Variants in TUSC3 observed in about 807,000 individuals in gnomAD.
TUSC3 encodes tumor suppressor candidate 3.
In TUSC3, 45 loss-of-function variants were observed where a neutral mutation model predicts 44.8. The observed-to-expected ratio is 1.00, with a 90% confidence interval of 0.79 to 1.29. The LOEUF is 1.29. Ranked by LOEUF, TUSC3 falls within the 50% of genes most tolerant of loss-of-function variation. The probability of loss-of-function intolerance (pLI) is 0.00; values close to 1 mark genes in which losing one functional copy is unlikely to be tolerated. For missense variants in TUSC3, 519 were observed against 437.9 expected (o/e 1.19, Z -1.65); for synonymous variants, 212 against 152.9 (o/e 1.39, Z -2.85).
At chr8:15,454,284 C>T (rs978005198) in intron 1 of TUSC3, among the ~76,000 whole-genome samples, 10 of 152,302 alleles carry the variant, frequency 6.6e-5, no homozygotes, top group African/African-American at 2.4e-4. Flanking sequence ...TGATCTAAAG[C>T]TTCTTAATAA....
intron 1 of TUSC3, among the ~76,000 whole-genome samples, chr8:15,582,280 A>G (rs1019518878): frequency 3.9e-5 from 6 of 152,096 alleles, no homozygotes; most frequent in Non-Finnish European, 8.8e-5. Flanking sequence ...TGGGTCGCTC[A>G]CGCTGGGAGC....
At chr8:15,774,787 G>A in the TUSC3 span, among the ~76,000 whole-genome samples, 1 of 152,096 alleles carries the variant, frequency 6.6e-6, no homozygotes, top group Non-Finnish European at 1.5e-5. Context: ...TCACTCTGAT[G>A]TGTGACTTCA....
chr8:15,459,299 A>G (rs1218258376), intron 1 of TUSC3, among the ~76,000 whole-genome samples: 4 of 152,178 alleles, frequency 2.6e-5, no homozygotes, highest in African/African-American at 9.7e-5. Context: ...AAGTGACAAT[A>G]GAAGTTGTTT....
intron 6 of TUSC3, among the ~76,000 whole-genome samples, chr8:15,677,011 A>C (rs1006865770): frequency 6.6e-6 from 1 of 152,086 alleles, no homozygotes; most frequent in Non-Finnish European, 1.5e-5. Flanking sequence ...GTAAATGTTT[A>C]TTTTTTTAAT....
At chr8:15,679,701 T>C (rs908354865) in intron 6 of TUSC3, among the ~76,000 whole-genome samples, 4 of 152,184 alleles carry the variant, frequency 2.6e-5, no homozygotes, top group African/African-American at 9.6e-5. Context: ...TTCTTAGGTT[T>C]TCATCTAGGG....
chr8:15,693,439 T>C (rs1465901263), intron 6 of TUSC3, among the ~76,000 whole-genome samples: 28 of 95,728 alleles, frequency 2.9e-4, no homozygotes, highest in African/African-American at 6.1e-4. Context: ...TGGTTGGAAG[T>C]TCTTTTTTTT....
chr8:15,532,440 T>C (rs1381363834), intron 2 of TUSC3, among the ~76,000 whole-genome samples: 1 of 152,122 alleles, frequency 6.6e-6, no homozygotes, highest in Non-Finnish European at 1.5e-5. Context: ...AAAGTTAAGA[T>C]AAGCCCTGGA....
intron 1 of TUSC3, among the ~76,000 whole-genome samples, chr8:15,444,720 A>T (rs552052778): frequency 1.3e-5 from 2 of 152,340 alleles, no homozygotes; most frequent in Non-Finnish European, 2.9e-5. Flanking sequence ...GTATCTCCCA[A>T]GTATCGGTTC....
intron 1 of TUSC3, among the ~76,000 whole-genome samples, chr8:15,599,207 A>G (rs1804182425): frequency 6.6e-6 from 1 of 151,770 alleles, no homozygotes; most frequent in Non-Finnish European, 1.5e-5. Flanking sequence ...TTTATGTGCT[A>G]GTTTGCTATT....
chr8:15,560,742 A>T (rs551093265), intron 1 of TUSC3, among the ~76,000 whole-genome samples: 2,060 of 106,392 alleles, frequency 0.019, 31 homozygotes, highest in African/African-American at 0.049. Context: ...TTCTCGCTTC[A>T]TTTCATTCAT....
intron 1 of TUSC3, among the ~76,000 whole-genome samples, chr8:15,431,341 G>T (rs1223711833): frequency 1.3e-5 from 2 of 151,510 alleles, no homozygotes; most frequent in Non-Finnish European, 2.9e-5. Context: ...CTATCTATTT[G>T]TGTCTTCAAT....
rs554519350 is a variant in TUSC3 at position 15,419,380 on chromosome 8, A to G, written n.91+2075A>G. Among the ~76,000 whole-genome samples, 214 of 152,352 alleles carry G rather than the reference A, an allele frequency of 1.4e-3. 1 individual carries two copies. The highest frequency in any genetic ancestry group is 4.9e-3 in the African/African-American group (205 of 41,584). On this transcript the variant is annotated intron_variant and non_coding_transcript_variant, in intron 1 of 5. Transcript: ENST00000503191. ...AATGTCTAGAAAGACATTTGAGTTC[A>G]GTATATCTTATTGCTGAAGTCAGTT...
intron 1 of TUSC3, among the ~76,000 whole-genome samples, chr8:15,459,334 A>G (rs1800308749): frequency 6.6e-6 from 1 of 152,090 alleles, no homozygotes; most frequent in Non-Finnish European, 1.5e-5. Context: ...CCTGTTCATA[A>G]CTGTCAGTAT....
the TUSC3 span, among the ~76,000 whole-genome samples, chr8:15,794,989 C>G: frequency 6.6e-6 from 1 of 152,132 alleles, no homozygotes; most frequent in South Asian, 2.1e-4. Context: ...ATCCTGGATT[C>G]TGATGAATTT....
intron 2 of TUSC3, among the ~76,000 whole-genome samples, chr8:15,516,718 T>C (rs17121570): frequency 0.034 from 5,169 of 152,236 alleles, 258 homozygotes; most frequent in African/African-American, 0.12. Flanking sequence ...ATTAATCCTA[T>C]GAAATATAAA....
intron 1 of TUSC3, among the ~76,000 whole-genome samples, chr8:15,443,724 G>C (rs947206266): frequency 6.6e-6 from 1 of 152,138 alleles, no homozygotes; most frequent in Admixed American, 6.5e-5. Context: ...CACAAGATGA[G>C]AAATTATGGT....
intron 6 of TUSC3, among the ~76,000 whole-genome samples, chr8:15,684,509 C>G (rs77945828): frequency 3.5e-4 from 54 of 152,284 alleles, no homozygotes; most frequent in African/African-American, 1.3e-3. Flanking sequence ...ACCGGCTAAG[C>G]TTGTCGTAAG....
intron 3 of TUSC3, among the ~76,000 whole-genome samples, chr8:15,655,508 G>A (rs1265239144): frequency 6.6e-6 from 1 of 152,232 alleles, no homozygotes; most frequent in Non-Finnish European, 1.5e-5. Flanking sequence ...GCCAGTGTAT[G>A]AAACTCCAAG....
At chr8:15,777,381 G>T in the TUSC3 span, among the ~76,000 whole-genome samples, 1 of 152,144 alleles carries the variant, frequency 6.6e-6, no homozygotes, top group African/African-American at 2.4e-5. Flanking sequence ...ACTGCAGTTT[G>T]TGTTACCTAT....
Sources: allele counts gnomAD v4.1 joint callset (sites outside exome capture counted in the v4.1 genomes callset), GRCh38; gene constraint gnomAD v4.1.1; transcripts MANE v1.5; gene names NCBI Gene and HGNC (gene_info 2026-07-23, HGNC 2026-07-21).